The following SEPSECS variants were observed in gnomAD, a reference collection of about 807,000 sequenced individuals.
The protein encoded by SEPSECS is O-phosphoseryl-tRNA(Sec) selenium transferase.
SEPSECS carries 42 observed loss-of-function variants against 52.1 expected under a neutral mutation model. The observed-to-expected ratio is 0.81, with a 90% CI of 0.63 to 1.04. The LOEUF (loss-of-function observed/expected upper bound fraction) is 1.04, where lower values mean the gene tolerates loss of function less well. Among genes scored for constraint, SEPSECS ranks in the 50% least tolerant of loss-of-function variants. The pLI is 0.00. For missense variants in SEPSECS, 590 were observed against 610.6 expected, an observed-to-expected ratio of 0.97 and a Z score of 0.36; for synonymous variants, 216 against 211.4, an observed-to-expected ratio of 1.02 and a Z score of -0.19.
At chr4:25,159,916 G>A in intron 1 of SEPSECS, 5 of 985,342 alleles carry the variant, frequency 5.1e-6, no homozygotes, top group Non-Finnish European at 6.0e-6. Context: ...GAGTCGTTGA[G>A]GGTTGGTGAA....
Position 25,157,168 on chromosome 4 carries a change from T to C in SEPSECS, c.270-194A>G, listed in dbSNP as rs147740789. 2.5e-3 allele frequency among the ~76,000 whole-genome samples: 378 copies of C among 152,334 alleles called. 5 individuals are homozygous for C. Among genetic ancestry groups the C allele is most frequent in the Admixed American group, 0.022 (334 of 15,302 alleles). ...AATAATTTCATCAATTATGCTGTGA[T>C]AGCTAGTTTCCAAAGACGGCCACCA... On this transcript the variant is annotated intron_variant, in intron 2 of 10. Transcript: ENST00000382103.
In SEPSECS at chr4:25,123,724, A is replaced by G. The variant is rs1404766501; in HGVS notation, c.*207T>C. 1 of 579,166 alleles carries G rather than the reference A, an allele frequency of 1.7e-6. No homozygotes were observed. Among genetic ancestry groups the G allele is most frequent in the East Asian group, 2.8e-5 (1 of 35,208 alleles). The allele number at this position is 579,166 out of a possible 1,614,324, so 35.9% of individuals were successfully genotyped here. On this transcript the variant is annotated 3_prime_UTR_variant, in exon 11 of 11. Transcript: ENST00000382103. ...AGAAAAATGCTAATTGTATATTATAACCTGTTAAGGATCACAAGGATTGAT... is the reference window on the plus strand; with the variant it reads ...AGAAAAATGCTAATTGTATATTATAGCCTGTTAAGGATCACAAGGATTGAT...
intron 8 of SEPSECS, among the ~76,000 whole-genome samples, chr4:25,142,345 C>A (rs1320207164): frequency 6.6e-6 from 1 of 152,148 alleles, no homozygotes; most frequent in Non-Finnish European, 1.5e-5. Flanking sequence ...GTTCCCACCA[C>A]CACCTCATCA....
At chr4:25,154,951 TAA>T (rs1452563785) in intron 5 of SEPSECS, 45 bp downstream of exon 5, 2 of 1,582,684 alleles carry the variant, frequency 1.3e-6, no homozygotes, top group Non-Finnish European at 8.7e-7. Flanking sequence ...ATATTTTATT[TAA>T]AAGACTGATA....
chr4:25,150,260 G>C (rs1192783658), intron 6 of SEPSECS, among the ~76,000 whole-genome samples: 3 of 152,212 alleles, frequency 2.0e-5, no homozygotes, highest in Non-Finnish European at 4.4e-5. Context: ...CAAATCACAT[G>C]TATGTCAAAA....
rs184236284 is a variant in SEPSECS, at chr4:25,157,841, G to A, written c.270-867C>T. ...ATTACCGGCGTGAGCCACCGTGCCC[G>A]GCCAAATTATCTTTTTTCTTTACTT... On this transcript the variant is annotated intron_variant, in intron 2 of 10. Coordinates refer to ENST00000382103, the MANE Select transcript of SEPSECS (RefSeq NM_016955.4). 1.5e-4 allele frequency among the ~76,000 whole-genome samples: 23 copies of A among 152,200 alleles called. No homozygotes were observed. The East Asian group carries it at 3.9e-3, about 26-fold the overall frequency.
At position 25,121,340 on chromosome 4, in the gene SEPSECS, C is replaced by T. The variant is rs537128743; in HGVS notation, c.*2591G>A. 13 of 152,238 alleles carry T rather than the reference C, an allele frequency of 8.5e-5. No homozygotes were observed. Among genetic ancestry groups the T allele is most frequent in the African/African-American group, 2.9e-4 (12 of 41,544 alleles). 9.4% of individuals were successfully genotyped at this position (152,238 alleles called of 1,614,324 possible). ...TCCACCATTTTCTTTTCTAAGCACACTGCCACAGCCCAATGACTTTAAAAA... is the reference window on the plus strand; with the variant it reads ...TCCACCATTTTCTTTTCTAAGCACATTGCCACAGCCCAATGACTTTAAAAA... On this transcript the variant is annotated 3_prime_UTR_variant, in exon 11 of 11. Coordinates refer to ENST00000382103, the MANE Select transcript of SEPSECS (RefSeq NM_016955.4).
At chr4:25,159,798 T>C (rs1195572884) in intron 1 of SEPSECS, 3 of 1,095,206 alleles carry the variant, frequency 2.7e-6, no homozygotes, top group Non-Finnish European at 3.4e-6. Flanking sequence ...ACAAAACTTT[T>C]AATGAAATTA....
At chr4:25,160,047 C>T (rs1712967347) in intron 1 of SEPSECS, 1 of 985,306 alleles carries the variant, frequency 1.0e-6, no homozygotes, top group South Asian at 4.7e-5. Flanking sequence ...ACACCCCCTC[C>T]TAACAACACC....
intron 6 of SEPSECS, 48 bp downstream of exon 6, chr4:25,151,912 T>C: frequency 1.0e-6 from 1 of 1,003,188 alleles, no homozygotes; most frequent in South Asian, 1.3e-5. Context: ...CTATAATATG[T>C]TAAAATGAAT....
In SEPSECS at chr4:25,124,129, A is replaced by G; in HGVS notation, c.1308T>C (p.Ala436=). The change falls in exon 11 of 11, where the codon GCT becomes GCC. Residue 436 remains alanine, a synonymous_variant. Transcript: ENST00000382103. ...TNNYPCAYLN[A]ASAIGMKMQD... is the part of the protein sequence containing the mutation. ...GCATCTTCATTCCGATGGCTGATGC[A>G]GCATTGAGGTAAGCACAAGGGTAAT... 1 of 1,613,752 alleles carries G rather than the reference A, an allele frequency of 6.2e-7. No individual in the cohort carries two copies.
intron 3 of SEPSECS, 147 bp from the exon 4 acceptor site, chr4:25,156,342 C>T: frequency 1.6e-6 from 1 of 638,178 alleles, no homozygotes. Flanking sequence ...AAGCTCAATG[C>T]CAAATTCAAC....
At chr4:25,159,438 G>A (rs966599107) in intron 1 of SEPSECS, 16 of 343,130 alleles carry the variant, frequency 4.7e-5, no homozygotes, top group Non-Finnish European at 3.4e-5. Context: ...CGACTGGGGC[G>A]GTGGGACGTG....
intron 6 of SEPSECS, among the ~76,000 whole-genome samples, chr4:25,146,952 C>T (rs1711999097): frequency 6.6e-6 from 1 of 152,202 alleles, no homozygotes; most frequent in Non-Finnish European, 1.5e-5. Context: ...GCTTGAAATC[C>T]TTCCATGGCC....
At chr4:25,155,271 C>G in intron 4 of SEPSECS, 120 bp from the exon 5 acceptor site, 1 of 1,109,600 alleles carries the variant, frequency 9.0e-7, no homozygotes, top group South Asian at 1.3e-5. Context: ...GGTAGATTAA[C>G]CTTCCTCTGG....
At chr4:25,141,081 A>G (rs2109017924) in intron 8 of SEPSECS, among the ~76,000 whole-genome samples, 1 of 152,294 alleles carries the variant, frequency 6.6e-6, no homozygotes, top group East Asian at 1.9e-4. Context: ...GGATGTGCAT[A>G]ATTTATATGA....
chr4:25,124,109 T>C lies in SEPSECS; in HGVS notation c.1328A>G (p.Lys443Arg), dbSNP rs1388260477. 1 of 1,613,792 alleles carries C rather than the reference T, an allele frequency of 6.2e-7. No individual in the cohort carries two copies. Among genetic ancestry groups the C allele is most frequent in the South Asian group, 1.1e-5 (1 of 91,070 alleles). The part of the protein sequence containing the change: ...YLNAASAIGM[K>R]MQDVDLFIKR... ...TATGAACAGGTCCACATCCTGCATC[T>C]TCATTCCGATGGCTGATGCAGCATT... is the stretch of plus-strand genomic sequence containing the variant. Residue 443 changes from lysine (K) to arginine (R), a missense_variant, in exon 11 of 11, where the codon AAG becomes AGG. Transcript: ENST00000382103.
chr4:25,124,629 C>G (rs937649062), intron 10 of SEPSECS, among the ~76,000 whole-genome samples: 2 of 152,066 alleles, frequency 1.3e-5, no homozygotes, highest in African/African-American at 4.8e-5. Context: ...CATATATACA[C>G]ACTTTACTGA....
intron 1 of SEPSECS, 49 bp from the exon 2 acceptor site, chr4:25,159,156 C>G: frequency 7.2e-7 from 1 of 1,395,724 alleles, no homozygotes. Context: ...AACTACCGTT[C>G]TCTAGAATAC....
Sources: gnomAD v4.1 joint callset for allele counts (sites outside exome capture counted in the v4.1 genomes callset) on GRCh38, gnomAD v4.1.1 for gene constraint, MANE v1.5 for transcripts, NCBI Gene and HGNC (gene_info 2026-07-23, HGNC 2026-07-21) for gene names.